CPM: variants seen among roughly 807,000 people sequenced by gnomAD.
CPM encodes renal carboxypeptidase.
CPM carries 35 observed loss-of-function variants against 46.4 expected under a neutral mutation model. The observed-to-expected ratio is 0.75, with a 90% CI of 0.58 to 1.00. The LOEUF (loss-of-function observed/expected upper bound fraction) is 1.00, where lower values mean the gene tolerates loss of function less well. CPM is among the 50% of genes least tolerant of loss of function. The probability of loss-of-function intolerance (pLI) is 0.00; values close to 1 mark genes in which losing one functional copy is unlikely to be tolerated. For synonymous variants in CPM, 195 were observed against 195.3 expected, an observed-to-expected ratio of 1.00 and a Z score of 0.01; for missense variants, 422 against 530.4, an observed-to-expected ratio of 0.80 and a Z score of 2.01.
At chr12:68,901,844 A>G (rs1482925590) in intron 2 of CPM, among the ~76,000 whole-genome samples, 10 of 152,102 alleles carry the variant, frequency 6.6e-5, no homozygotes, top group Non-Finnish European at 7.4e-5. Context: ...CAGAGCAAGT[A>G]GCAGAAGTAT....
intron 1 of CPM, among the ~76,000 whole-genome samples, chr12:68,941,747 A>G (rs1888765032): frequency 6.6e-6 from 1 of 152,166 alleles, no homozygotes; most frequent in Non-Finnish European, 1.5e-5. Flanking sequence ...GAGTTTGGGC[A>G]TTTATCTTAA....
At chr12:68,950,554 G>A (rs1888917701) in intron 1 of CPM, among the ~76,000 whole-genome samples, 1 of 152,168 alleles carries the variant, frequency 6.6e-6, no homozygotes. Flanking sequence ...TGGGAGTTAA[G>A]TGCCTATTCT....
intron 1 of CPM, among the ~76,000 whole-genome samples, chr12:68,961,666 C>T (rs1889114046): frequency 6.6e-6 from 1 of 151,950 alleles, no homozygotes; most frequent in Non-Finnish European, 1.5e-5. Flanking sequence ...GTAATCCCAG[C>T]ACTTTGGGAG....
At chr12:68,884,179 T>G (rs1002044117) in intron 3 of CPM, among the ~76,000 whole-genome samples, 1 of 146,276 alleles carries the variant, frequency 6.8e-6, no homozygotes, top group African/African-American at 2.5e-5. Context: ...ATAGACAAGA[T>G]AGCAAAAGGG....
intron 6 of CPM, 142 bp from the exon 7 acceptor site, chr12:68,867,190 G>A (rs746562707): frequency 1.4e-4 from 114 of 815,748 alleles, no homozygotes; most frequent in Non-Finnish European, 2.0e-4. Context: ...TAAAATCAGG[G>A]CTTGACATTC....
chr12:68,863,575 G>T (rs1885303555), intron 7 of CPM, among the ~76,000 whole-genome samples: 1 of 152,200 alleles, frequency 6.6e-6, no homozygotes, highest in Admixed American at 6.5e-5. Context: ...GAACAGGCTG[G>T]TGGGAGGCAA....
At chr12:68,869,014 G>A (rs1015481159) in intron 6 of CPM, among the ~76,000 whole-genome samples, 2 of 152,076 alleles carry the variant, frequency 1.3e-5, no homozygotes, top group East Asian at 1.9e-4. Context: ...ACTTATCTGC[G>A]TGTCTGTCTC....
intron 2 of CPM, among the ~76,000 whole-genome samples, chr12:68,910,856 T>C (rs1432375417): frequency 1.3e-5 from 2 of 152,118 alleles, no homozygotes; most frequent in African/African-American, 4.8e-5. Context: ...GGCCCAATGA[T>C]AAAGAGTGAT....
chr12:68,954,795 T>C (rs1257270830), intron 1 of CPM, among the ~76,000 whole-genome samples: 1 of 152,236 alleles, frequency 6.6e-6, no homozygotes, highest in East Asian at 1.9e-4. Flanking sequence ...CTTCTGATCA[T>C]GAGAAATGCA....
At chr12:68,924,433 T>G (rs553554874) in intron 2 of CPM, among the ~76,000 whole-genome samples, 2 of 151,308 alleles carry the variant, frequency 1.3e-5, no homozygotes, top group Non-Finnish European at 2.9e-5. Context: ...TGAGCCGACA[T>G]TGTGACACTG....
chr12:68,850,421 T>G (rs1158554859), downstream of CPM: 1 of 152,248 alleles, frequency 6.6e-6, no homozygotes. Context: ...TTTTCTAAAT[T>G]GAGACGTCAC....
At chr12:68,920,671 CT>C (rs11293503) in intron 2 of CPM, among the ~76,000 whole-genome samples, 8,504 of 145,218 alleles carry the variant, frequency 0.059, 578 homozygotes, top group African/African-American at 0.16. Flanking sequence ...TCTGCTTAAG[CT>C]TTTTTTTTCT....
chr12:68,858,231 A>G (rs1885058576), intron 8 of CPM, among the ~76,000 whole-genome samples: 1 of 152,246 alleles, frequency 6.6e-6, no homozygotes, highest in African/African-American at 2.4e-5. Context: ...GCAAAATAGA[A>G]GAATCCTGAA....
At chr12:68,921,137 C>CTTTT (rs766006373) in intron 2 of CPM, among the ~76,000 whole-genome samples, 4 of 142,554 alleles carry the variant, frequency 2.8e-5, no homozygotes, top group Non-Finnish European at 6.2e-5. Flanking sequence ...TATTTAAACA[C>CTTTT]TTTTTTTTTT....
At chr12:68,948,512 G>A (rs530172844) in intron 1 of CPM, among the ~76,000 whole-genome samples, 1 of 152,238 alleles carries the variant, frequency 6.6e-6, no homozygotes, top group African/African-American at 2.4e-5. Flanking sequence ...GAGTTGGGAA[G>A]GCTTTGGGGG....
intron 7 of CPM, among the ~76,000 whole-genome samples, chr12:68,865,850 T>C (rs1885418535): frequency 6.6e-6 from 1 of 152,176 alleles, no homozygotes; most frequent in Non-Finnish European, 1.5e-5. Flanking sequence ...GTTTCTCTAG[T>C]GCAATGGCTT....
At chr12:68,926,734 C>T (rs1384751230) in intron 2 of CPM, among the ~76,000 whole-genome samples, 1 of 152,024 alleles carries the variant, frequency 6.6e-6, no homozygotes, top group African/African-American at 2.4e-5. Flanking sequence ...CACAACAGTC[C>T]CCAGAGTGTG....
Position 68,861,842 on chromosome 12 carries a change from C to A in CPM, c.941-2771G>T, listed in dbSNP as rs147122488. On this transcript the variant is annotated intron_variant, in intron 7 of 8. Coordinates refer to ENST00000551568, the MANE Select transcript of CPM (RefSeq NM_198320.5). ...CGCGCCCGGCTAACATTACACCATTCTTTAACATTGGAGATAATGATGAAA... is the reference window on the plus strand; with the variant it reads ...CGCGCCCGGCTAACATTACACCATTATTTAACATTGGAGATAATGATGAAA... Among the ~76,000 whole-genome samples, 434 of 130,842 alleles carry A rather than the reference C, an allele frequency of 3.3e-3. 4 individuals carry two copies. In the East Asian group the frequency reaches 0.046, roughly 14 times the overall value. The allele number at this position is 130,842 out of a possible 152,430, so 85.8% of individuals were successfully genotyped here.
Position 68,932,793 on chromosome 12 carries a change from T to C in CPM, c.45A>G (p.Val15=). The C allele has an allele frequency of 6.2e-7, 1 of 1,614,040 alleles. No individual in the cohort carries two copies. Among genetic ancestry groups the C allele is most frequent in the Non-Finnish European group, 8.5e-7 (1 of 1,179,992 alleles). The change falls in exon 2 of 9, where the codon GTA becomes GTG. Residue 15 remains valine (V), a synonymous_variant. Transcript: ENST00000551568. ...GGTGGTAGTTGAAATCCAGCGCAGC[T>C]ACCAAAGGCAGCAACAGCCCTAGCC... ...CLWLGLLLPL[V]AALDFNYHRQ... is the part of the protein sequence containing the mutation.
Sources: gnomAD v4.1 joint callset for allele counts (sites outside exome capture counted in the v4.1 genomes callset) on GRCh38, gnomAD v4.1.1 for gene constraint, MANE v1.5 for transcripts, NCBI Gene and HGNC (gene_info 2026-07-23, HGNC 2026-07-21) for gene names.